Variants in MDGA2 observed in about 807,000 individuals in gnomAD.
MDGA2 encodes the protein MAM domain containing glycosylphosphatidylinositol anchor 2.
A neutral mutation model predicts 117.8 loss-of-function variants in MDGA2; 40 were observed. That is an observed-to-expected ratio of 0.34 (90% CI 0.26 to 0.44). The LOEUF (loss-of-function observed/expected upper bound fraction) is 0.44. MDGA2 is among the 20% of genes least tolerant of loss of function. The pLI is 1.00. For missense variants in MDGA2, 1,123 were observed against 1,250.6 expected (o/e 0.90, Z 1.54); for synonymous variants, 452 against 439.0 (o/e 1.03, Z -0.37).
intron 1 of MDGA2, among the ~76,000 whole-genome samples, chr14:47,456,554 C>A (rs1893358942): frequency 6.6e-6 from 1 of 151,750 alleles, no homozygotes. Flanking sequence ...CCACCCATCT[C>A]GGCCTCCCAA....
chr14:47,339,287 CA>C (rs1289536333), intron 1 of MDGA2, among the ~76,000 whole-genome samples: 1 of 151,970 alleles, frequency 6.6e-6, no homozygotes, highest in African/African-American at 2.4e-5. Context: ...ACAAATAATA[CA>C]AAAAGAGATT....
intron 3 of MDGA2, among the ~76,000 whole-genome samples, chr14:47,199,860 G>A (rs1885425322): frequency 6.6e-6 from 1 of 152,090 alleles, no homozygotes; most frequent in Non-Finnish European, 1.5e-5. Context: ...CTACTTCATT[G>A]CAAGTTTTGG....
intron 8 of MDGA2, among the ~76,000 whole-genome samples, chr14:47,002,092 G>A (rs1334379965): frequency 2.0e-5 from 3 of 151,706 alleles, no homozygotes; most frequent in African/African-American, 4.8e-5. Context: ...AGGACTGGTG[G>A]GCACTAAATT....
In MDGA2 at chr14:47,298,731, C is replaced by G. The variant is rs563437614; in HGVS notation, c.420+2680G>C. Among the ~76,000 whole-genome samples the G allele has an allele frequency of 1.8e-3, 264 of 143,962 alleles. 1 individual carries two copies. Among genetic ancestry groups the G allele is most frequent in the Non-Finnish European group, 2.5e-3 (166 of 66,828 alleles). The allele number at this position is 143,962 out of a possible 152,430, so 94.4% of individuals were successfully genotyped here. ...ACAGAGTCTCGTTCTGTCGCCCAGG[C>G]TGGAGTGCAGTGGCACGATCTCGGC... is the stretch of plus-strand genomic sequence containing the variant. On this transcript the variant is annotated intron_variant, in intron 2 of 16. Transcript: ENST00000399232.
At chr14:47,160,967 C>A (rs1315806003) in intron 3 of MDGA2, among the ~76,000 whole-genome samples, 1 of 152,110 alleles carries the variant, frequency 6.6e-6, no homozygotes, top group Non-Finnish European at 1.5e-5. Flanking sequence ...ATTTTGTGAT[C>A]TCTCCTTTTT....
chr14:47,615,613 T>A (rs1896933970), intron 1 of MDGA2, among the ~76,000 whole-genome samples: 1 of 152,160 alleles, frequency 6.6e-6, no homozygotes, highest in Admixed American at 6.5e-5. Context: ...ATTAGGTCAG[T>A]TAGACAGAGG....
chr14:47,468,521 T>C (rs1893650383), intron 1 of MDGA2, among the ~76,000 whole-genome samples: 1 of 152,122 alleles, frequency 6.6e-6, no homozygotes, highest in Admixed American at 6.6e-5. Context: ...ACTCTGATTG[T>C]GATGAGGACT....
intron 2 of MDGA2, among the ~76,000 whole-genome samples, chr14:47,264,165 T>C (rs557444768): frequency 2.6e-4 from 40 of 152,306 alleles, no homozygotes; most frequent in Admixed American, 6.5e-4. Context: ...CCTATATTTG[T>C]ACTTCTGAGA....
At chr14:47,555,164 C>T (rs895305528) in intron 1 of MDGA2, among the ~76,000 whole-genome samples, 4 of 152,128 alleles carry the variant, frequency 2.6e-5, no homozygotes, top group Non-Finnish European at 4.4e-5. Flanking sequence ...CTTTCTTAGT[C>T]AAGTTGAAGG....
At chr14:46,943,125 T>C (rs1193869174) in intron 9 of MDGA2, among the ~76,000 whole-genome samples, 1 of 152,076 alleles carries the variant, frequency 6.6e-6, no homozygotes, top group Admixed American at 6.6e-5. Context: ...ATTCCTGTTG[T>C]AGTATTATTG....
At chr14:47,139,923 G>A (rs575814004) in intron 4 of MDGA2, among the ~76,000 whole-genome samples, 134 of 149,304 alleles carry the variant, frequency 9.0e-4, no homozygotes, top group African/African-American at 3.2e-3. Context: ...GAGAGGGAGA[G>A]AGAGGCATAA....
chr14:47,130,171 C>A lies in MDGA2; in HGVS notation c.925+1543G>T, dbSNP rs1882130612. On this transcript the variant is annotated intron_variant, in intron 5 of 16. Transcript: ENST00000399232. ...TTTAGACATGAAGTCCTTGCCCATG[C>A]CTATGTCCTGAATGGTAATGCCTAG... Among the ~76,000 whole-genome samples, 8 of 152,058 alleles carry A rather than the reference C, an allele frequency of 5.3e-5. No individual in the cohort carries two copies. The South Asian group carries it at 1.7e-3, about 32-fold the overall frequency.
At chr14:47,605,316 A>G (rs1896722801) in intron 1 of MDGA2, among the ~76,000 whole-genome samples, 2 of 152,156 alleles carry the variant, frequency 1.3e-5, no homozygotes, top group Admixed American at 1.3e-4. Flanking sequence ...TTAAGTGGCA[A>G]TATTTGTGTG....
At chr14:46,853,603 A>G (rs1471028920) in intron 15 of MDGA2, among the ~76,000 whole-genome samples, 1 of 151,600 alleles carries the variant, frequency 6.6e-6, no homozygotes, top group East Asian at 1.9e-4. Flanking sequence ...AGAGTATGGT[A>G]CAATATCTGA....
At chr14:47,416,477 T>C (rs1271485540) in intron 1 of MDGA2, among the ~76,000 whole-genome samples, 1 of 152,096 alleles carries the variant, frequency 6.6e-6, no homozygotes, top group East Asian at 1.9e-4. Flanking sequence ...TAATGGGTTG[T>C]AGTTAGGGAC....
intron 1 of MDGA2, among the ~76,000 whole-genome samples, chr14:47,545,434 C>T (rs1375128366): frequency 6.6e-6 from 1 of 152,012 alleles, no homozygotes; most frequent in African/African-American, 2.4e-5. Context: ...GAAAGAGGGG[C>T]AGGGATCATG....
chr14:47,568,774 T>A (rs1031155097), intron 1 of MDGA2, among the ~76,000 whole-genome samples: 1 of 152,312 alleles, frequency 6.6e-6, no homozygotes, highest in African/African-American at 2.4e-5. Flanking sequence ...TAATGCAGAA[T>A]TTTTTTCATG....
chr14:47,548,876 T>A (rs1895518133), intron 1 of MDGA2, among the ~76,000 whole-genome samples: 1 of 152,166 alleles, frequency 6.6e-6, no homozygotes, highest in African/African-American at 2.4e-5. Flanking sequence ...GTCTATTGTT[T>A]GGCCCAAATG....
intron 1 of MDGA2, among the ~76,000 whole-genome samples, chr14:47,482,415 G>A (rs1186234414): frequency 1.3e-5 from 2 of 152,038 alleles, no homozygotes; most frequent in African/African-American, 2.4e-5. Context: ...AACACCAAAC[G>A]GAAATTAGTT....
Sources: gnomAD v4.1 joint callset for allele counts (sites outside exome capture counted in the v4.1 genomes callset) on GRCh38, gnomAD v4.1.1 for gene constraint, MANE v1.5 for transcripts, NCBI Gene and HGNC (gene_info 2026-07-23, HGNC 2026-07-21) for gene names.